The following PCDHGA2 variants were observed in gnomAD, a reference collection of about 807,000 sequenced individuals.
The protein encoded by PCDHGA2 is protocadherin gamma subfamily A, 2, also known as protocadherin gamma-A2.
Under a neutral mutation model 59.2 loss-of-function variants are expected in PCDHGA2, and 40 were observed. The observed-to-expected ratio is 0.68, with a 90% CI of 0.52 to 0.88. The LOEUF is 0.88. Ranked by LOEUF, PCDHGA2 falls within the 40% of genes least tolerant of loss-of-function variation. The pLI is 0.00. For synonymous variants in PCDHGA2, 560 were observed against 526.0 expected (o/e 1.06, Z -0.89); for missense variants, 1,226 against 1,204.0 (o/e 1.02, Z -0.27).
At position 141,489,910 on chromosome 5, in the gene PCDHGA2, G is replaced by T; in HGVS notation, c.2425-4897G>T. ...GGATGGGGGGACCCCAGCCCGCTCA[G>T]GGACCACCCTTATCTCTGTCATCGT... On this transcript the variant is annotated intron_variant, in intron 1 of 3. Transcript: ENST00000394576. This position sits in a 1 kb window ranked among gnomAD's most constrained non-coding sequence, Gnocchi z 4.5. 1 of 1,614,226 alleles carries T rather than the reference G, an allele frequency of 6.2e-7. No homozygotes were observed. The highest frequency in any genetic ancestry group is 8.5e-7 in the Non-Finnish European group (1 of 1,180,030).
At chr5:141,458,615 G>A (rs2098949624) in intron 1 of PCDHGA2, among the ~76,000 whole-genome samples, 1 of 152,088 alleles carries the variant, frequency 6.6e-6, no homozygotes, top group Admixed American at 6.6e-5. Flanking sequence ...TGTCAGCCAG[G>A]CTGGAGTGCA....
At chr5:141,450,516 C>T (rs150995579) in intron 1 of PCDHGA2, among the ~76,000 whole-genome samples, 2,020 of 152,024 alleles carry the variant, frequency 0.013, 56 homozygotes, top group African/African-American at 0.046. Context: ...GATGGAGTCT[C>T]ATTCTTGTCA....
intron 1 of PCDHGA2, chr5:141,405,207 C>A (rs767001796): frequency 6.2e-7 from 1 of 1,613,292 alleles, no homozygotes; most frequent in Non-Finnish European, 8.5e-7. Flanking sequence ...TTCCTACAGA[C>A]CTATTCTCAG....
intron 1 of PCDHGA2, chr5:141,412,984 C>A: frequency 1.8e-6 from 1 of 558,874 alleles, no homozygotes; most frequent in Non-Finnish European, 3.0e-6. Context: ...GCAGCCAGAG[C>A]TCAATCCGGA....
At chr5:141,423,773 T>A in intron 1 of PCDHGA2, 6 of 901,238 alleles carry the variant, frequency 6.7e-6, no homozygotes, top group Non-Finnish European at 7.3e-6. Flanking sequence ...GGGCGGCATA[T>A]ATTTAGTTCA....
At chr5:141,414,118 G>C (rs559064215) in intron 1 of PCDHGA2, 1 of 1,592,490 alleles carries the variant, frequency 6.3e-7, no homozygotes, top group Admixed American at 1.8e-5. Flanking sequence ...AGATTATGAA[G>C]AAACCGGTTT....
chr5:141,438,681 G>T (rs2098050580), intron 1 of PCDHGA2, among the ~76,000 whole-genome samples: 1 of 142,154 alleles, frequency 7.0e-6, no homozygotes, highest in South Asian at 2.3e-4. Context: ...TGGAGTAGGG[G>T]ATGGAGTCTT....
intron 1 of PCDHGA2, chr5:141,383,947 A>T (rs757638644): frequency 6.2e-7 from 1 of 1,613,788 alleles, no homozygotes; most frequent in Non-Finnish European, 8.5e-7. Context: ...AGTGACTATG[A>T]CGTCTTTAAG....
chr5:141,483,168 C>A (rs750259590), intron 1 of PCDHGA2, among the ~76,000 whole-genome samples: 3 of 152,104 alleles, frequency 2.0e-5, no homozygotes, highest in Non-Finnish European at 4.4e-5. Context: ...CCTGAGTTAC[C>A]TTTGGGCCAA....
chr5:141,457,877 C>A (rs1488774514), intron 1 of PCDHGA2, among the ~76,000 whole-genome samples: 1 of 152,196 alleles, frequency 6.6e-6, no homozygotes, highest in Admixed American at 6.6e-5. Context: ...AGGTTAGGAA[C>A]CCTGTGTGGG....
intron 1 of PCDHGA2, among the ~76,000 whole-genome samples, chr5:141,442,717 C>T (rs918238654): frequency 1.3e-5 from 2 of 152,166 alleles, no homozygotes; most frequent in African/African-American, 2.4e-5. Flanking sequence ...CATGCCAGAG[C>T]ATTTGGGGCC....
At chr5:141,428,727 A>G (rs1348450181) in intron 1 of PCDHGA2, 1 of 160,588 alleles carries the variant, frequency 6.2e-6, no homozygotes, top group Non-Finnish European at 1.4e-5. Context: ...AAAATCTTAA[A>G]CATATTATAT....
chr5:141,410,653 A>G (rs1272999564), intron 1 of PCDHGA2: 9 of 1,589,886 alleles, frequency 5.7e-6, no homozygotes, highest in Non-Finnish European at 7.7e-6. Context: ...TGATTTATCT[A>G]ATAGTCTACT....
At chr5:141,464,056 G>C (rs2154568334) in intron 1 of PCDHGA2, among the ~76,000 whole-genome samples, 1 of 152,210 alleles carries the variant, frequency 6.6e-6, no homozygotes, top group East Asian at 1.9e-4. Context: ...CCTGAGGTCA[G>C]GAGTTCAAGG....
At chr5:141,382,717 G>A (rs759719502) in intron 1 of PCDHGA2, 38 of 488,830 alleles carry the variant, frequency 7.8e-5, no homozygotes, top group Non-Finnish European at 9.8e-5. Flanking sequence ...AGAAACCACC[G>A]AGTTTTACAG....
rs578223384 is a variant in PCDHGA2, at chr5:141,400,070, C to A, written c.2424+58675C>A. 4 of 1,613,804 alleles carry A rather than the reference C, an allele frequency of 2.5e-6. No individual in the cohort carries two copies. The African/African-American group carries it at 4.0e-5, about 16-fold the overall frequency. On this transcript the variant is annotated intron_variant, in intron 1 of 3. Transcript: ENST00000394576. ...GTTGCTGTGCGTGATGGTGGACAGC[C>A]GCCACTCTCCGCCACCGCCACGCTG...
At chr5:141,355,043 A>G in intron 1 of PCDHGA2, 1 of 1,127,008 alleles carries the variant, frequency 8.9e-7, no homozygotes, top group South Asian at 1.9e-5. Flanking sequence ...TTTCTGCAGC[A>G]CAAAGCACTG....
intron 1 of PCDHGA2, chr5:141,418,573 C>T (rs749104686): frequency 6.2e-7 from 1 of 1,613,944 alleles, no homozygotes; most frequent in Non-Finnish European, 8.5e-7. Flanking sequence ...CCAATGACAA[C>T]CCCCCAGTGT....
intron 1 of PCDHGA2, chr5:141,393,214 A>AT (rs1561641117): frequency 1.2e-6 from 2 of 1,613,518 alleles, no homozygotes; most frequent in East Asian, 2.2e-5. Flanking sequence ...CCAAAATTCC[A>AT]GGTCGAAGAT....
Sources: gnomAD v4.1 joint callset for allele counts (sites outside exome capture counted in the v4.1 genomes callset) on GRCh38, gnomAD v4.1.1 for gene constraint, Gnocchi (gnomAD v3.1) non-coding constraint, MANE v1.5 for transcripts, NCBI Gene and HGNC (gene_info 2026-07-23, HGNC 2026-07-21) for gene names.